Variants in CYP7B1 observed in about 807,000 individuals in gnomAD.
The protein encoded by CYP7B1 is cytochrome P450 family 7 subfamily B member 1.
Under a neutral mutation model 42.7 loss-of-function variants are expected in CYP7B1, and 29 were observed. That is an observed-to-expected ratio of 0.68 (90% confidence interval 0.51 to 0.93). The LOEUF is 0.93. CYP7B1 is among the 40% of genes least tolerant of loss of function. CYP7B1 has a pLI of 0.00. For missense variants in CYP7B1, 655 were observed against 600.5 expected (o/e 1.09, Z -0.95); for synonymous variants, 235 against 218.2 (o/e 1.08, Z -0.68).
intron 1 of CYP7B1, among the ~76,000 whole-genome samples, chr8:64,713,824 A>G (rs570192819): frequency 6.6e-6 from 1 of 152,354 alleles, no homozygotes; most frequent in East Asian, 1.9e-4. Context: ...AATTTGATCA[A>G]AATTATACAC....
intron 1 of CYP7B1, among the ~76,000 whole-genome samples, chr8:64,767,369 C>A (rs1037623535): frequency 6.6e-6 from 1 of 152,120 alleles, no homozygotes; most frequent in Non-Finnish European, 1.5e-5. Context: ...GATATTGAAG[C>A]CAAAAGAGCC....
chr8:64,752,500 C>T (rs1261819876), intron 1 of CYP7B1, among the ~76,000 whole-genome samples: 1 of 151,668 alleles, frequency 6.6e-6, no homozygotes, highest in African/African-American at 2.4e-5. Context: ...TCTCTGCCAC[C>T]CACGGAGTTC....
chr8:64,746,174 T>C (rs2129633385), intron 1 of CYP7B1, among the ~76,000 whole-genome samples: 2 of 152,292 alleles, frequency 1.3e-5, no homozygotes, highest in East Asian at 3.9e-4. Context: ...CCAGGTCTTT[T>C]GTTAAAACTG....
chr8:64,766,196 G>A (rs2129633957), intron 1 of CYP7B1, among the ~76,000 whole-genome samples: 1 of 152,254 alleles, frequency 6.6e-6, no homozygotes, highest in African/African-American at 2.4e-5. Flanking sequence ...CGTGCTAGAA[G>A]GACTAAGGAA....
At chr8:64,698,356 C>T (rs1047002448) in intron 1 of CYP7B1, among the ~76,000 whole-genome samples, 6 of 151,976 alleles carry the variant, frequency 3.9e-5, no homozygotes, top group African/African-American at 1.2e-4. Context: ...AACTAAACTA[C>T]GGAATTCTTT....
chr8:64,721,731 T>C (rs542580585), intron 1 of CYP7B1, among the ~76,000 whole-genome samples: 4 of 152,270 alleles, frequency 2.6e-5, no homozygotes, highest in South Asian at 4.1e-4. Context: ...TTTACAGATA[T>C]ATATTTCATA....
At chr8:64,757,043 C>T (rs1297210474) in intron 1 of CYP7B1, among the ~76,000 whole-genome samples, 1 of 152,122 alleles carries the variant, frequency 6.6e-6, no homozygotes, top group African/African-American at 2.4e-5. Context: ...GCCTGAGTCC[C>T]AAAAGTGAGT....
intron 1 of CYP7B1, among the ~76,000 whole-genome samples, chr8:64,677,752 G>T (rs12235020): frequency 9.9e-6 from 1 of 100,952 alleles, no homozygotes; most frequent in Non-Finnish European, 1.8e-5. Flanking sequence ...TGTATCTTAA[G>T]ATCTATGTTT....
At chr8:64,762,187 T>C (rs1807900735) in intron 1 of CYP7B1, among the ~76,000 whole-genome samples, 1 of 152,204 alleles carries the variant, frequency 6.6e-6, no homozygotes, top group Admixed American at 6.5e-5. Context: ...AATAACATTA[T>C]AGCTGTAATT....
intron 1 of CYP7B1, among the ~76,000 whole-genome samples, chr8:64,662,820 GTTA>G (rs1335547551): frequency 6.6e-6 from 1 of 152,152 alleles, no homozygotes; most frequent in Non-Finnish European, 1.5e-5. Flanking sequence ...TAGTCAAAAA[GTTA>G]TTATTAATTG....
At chr8:64,703,233 T>G (rs1045306475) in intron 1 of CYP7B1, among the ~76,000 whole-genome samples, 1 of 151,962 alleles carries the variant, frequency 6.6e-6, no homozygotes, top group African/African-American at 2.4e-5. Flanking sequence ...TAAGGATGCA[T>G]TTTTAAACAA....
rs550838009 is a variant in CYP7B1 at position 64,705,974 on chromosome 8, T to C, written c.123-81435A>G. On this transcript the variant is annotated intron_variant, in intron 1 of 5. Transcript: ENST00000310193. The stretch of plus-strand genomic sequence containing the variant: ...TTAACATTGTGGTGTATAAGCCCTC[T>C]GAACTCCAACGGGTTATTTTAACCA... Among the ~76,000 whole-genome samples the C allele has an allele frequency of 1.3e-4, 20 of 152,204 alleles. No homozygotes were observed. The South Asian group carries it at 2.5e-3, about 19-fold the overall frequency.
At chr8:64,604,893 A>G (rs1382306615) in intron 4 of CYP7B1, 36 bp from the exon 5 acceptor site, 1 of 1,603,312 alleles carries the variant, frequency 6.2e-7, no homozygotes, top group South Asian at 1.1e-5. Flanking sequence ...TTATTAAGAT[A>G]GGGCTGGTCC....
intron 1 of CYP7B1, among the ~76,000 whole-genome samples, chr8:64,792,395 A>G (rs1035609146): frequency 6.6e-6 from 1 of 152,184 alleles, no homozygotes; most frequent in African/African-American, 2.4e-5. Context: ...AAAGGCACTA[A>G]TATTACTGCG....
At chr8:64,629,603 C>A (rs530622248) in intron 1 of CYP7B1, among the ~76,000 whole-genome samples, 1 of 151,718 alleles carries the variant, frequency 6.6e-6, no homozygotes, top group Non-Finnish European at 1.5e-5. Context: ...AATGTTTGAA[C>A]GACTTTTTTT....
At chr8:64,777,900 A>C (rs1049620100) in intron 1 of CYP7B1, among the ~76,000 whole-genome samples, 1 of 151,950 alleles carries the variant, frequency 6.6e-6, no homozygotes, top group Non-Finnish European at 1.5e-5. Context: ...AAAAAAATAA[A>C]ATTTTCAAAG....
chr8:64,724,981 T>C (rs975435191), intron 1 of CYP7B1, among the ~76,000 whole-genome samples: 2 of 152,238 alleles, frequency 1.3e-5, no homozygotes, highest in African/African-American at 2.4e-5. Context: ...TAGTACGTCA[T>C]AAGACCCTCA....
chr8:64,714,566 T>C (rs763473271), intron 1 of CYP7B1, among the ~76,000 whole-genome samples: 2 of 152,200 alleles, frequency 1.3e-5, no homozygotes, highest in African/African-American at 2.4e-5. Context: ...TGCTGACACA[T>C]GTAGCCCTGC....
chr8:64,663,275 T>C (rs1001874316), intron 1 of CYP7B1, among the ~76,000 whole-genome samples: 2 of 152,242 alleles, frequency 1.3e-5, no homozygotes, highest in African/African-American at 2.4e-5. Context: ...TTGATTCATT[T>C]TGGTCAACTA....
Sources: gnomAD v4.1 joint callset for allele counts (sites outside exome capture counted in the v4.1 genomes callset) on GRCh38, gnomAD v4.1.1 for gene constraint, MANE v1.5 for transcripts, NCBI Gene and HGNC (gene_info 2026-07-23, HGNC 2026-07-21) for gene names.